The following MED26 variants were observed in gnomAD, a reference collection of about 807,000 sequenced individuals.
MED26 encodes the protein mediator complex subunit 26.
A neutral mutation model predicts 43.7 loss-of-function variants in MED26; 7 were observed. The observed-to-expected ratio is 0.16, with a 90% CI of 0.09 to 0.30. MED26 has a LOEUF of 0.30. Ranked by LOEUF, MED26 falls within the 10% of genes least tolerant of loss-of-function variation. MED26 has a pLI of 1.00. For synonymous variants in MED26, 375 were observed against 371.1 expected, an observed-to-expected ratio of 1.01 and a Z score of -0.12; for missense variants, 784 against 840.6, an observed-to-expected ratio of 0.93 and a Z score of 0.83.
At chr19:16,609,293 C>G (rs1000141752) in intron 1 of MED26, among the ~76,000 whole-genome samples, 1 of 113,276 alleles carries the variant, frequency 8.8e-6, no homozygotes, top group African/African-American at 3.6e-5. Context: ...GTCTGGGTGA[C>G]AGAGCGAGAC....
chr19:16,585,013 A>T (rs1054998411), intron 1 of MED26, among the ~76,000 whole-genome samples: 5 of 152,138 alleles, frequency 3.3e-5, no homozygotes, highest in Non-Finnish European at 5.9e-5. Flanking sequence ...AGGGCTGGGT[A>T]GGATGCCACC....
intron 1 of MED26, among the ~76,000 whole-genome samples, chr19:16,581,744 C>T (rs2086046740): frequency 6.6e-6 from 1 of 152,212 alleles, no homozygotes; most frequent in Non-Finnish European, 1.5e-5. Context: ...GGACACCAGG[C>T]GAAGGTGTGA....
chr19:16,627,925 A>ACGCCGGAGC lies in MED26; in HGVS notation c.10_18dup (p.Ala4_Ala6dup), dbSNP rs2086290189. On this transcript the variant is annotated inframe_insertion, in exon 1 of 3. Coordinates refer to ENST00000263390, the MANE Select transcript of MED26 (RefSeq NM_004831.5). ...AGCCGGTCCCTGATCTGCTGCGGAG[A>ACGCCGGAGC]CGCCGGAGCCGCTGTCATTGCCTGG... The ACGCCGGAGC allele has an allele frequency of 6.7e-7, 1 of 1,489,094 alleles. No individual in the cohort carries two copies. The highest frequency in any genetic ancestry group is 8.9e-7 in the Non-Finnish European group (1 of 1,118,278). The allele number at this position is 1,489,094 out of a possible 1,614,324, so 92.2% of individuals were successfully genotyped here.
In MED26 at chr19:16,576,197, G is replaced by A. The variant is rs143751642; in HGVS notation, c.1633C>T (p.Arg545Trp). 4.4e-5 allele frequency: 71 copies of A among 1,612,628 alleles called. No individual in the cohort carries two copies. The highest frequency in any genetic ancestry group is 5.6e-5 in the Non-Finnish European group (66 of 1,180,004). Residue 545 changes from arginine (R) to tryptophan (W), a missense_variant, in exon 3 of 3, where the codon CGG becomes TGG. Coordinates refer to ENST00000263390, the MANE Select transcript of MED26 (RefSeq NM_004831.5). This position sits in a 1 kb window ranked among gnomAD's most constrained non-coding sequence, Gnocchi z 6.8. The stretch of plus-strand genomic sequence containing the variant: ...TCGAGATCGTCCTGTGTGACCTCCC[G>A]GGTCAGACCAGGGAGGTCCGTGGGC... ...SPPTDLPGLT[R>W]EVTQDDLDRI... is the part of the protein sequence containing the mutation.
intron 1 of MED26, among the ~76,000 whole-genome samples, chr19:16,604,887 A>G (rs571971369): frequency 6.6e-6 from 1 of 152,180 alleles, no homozygotes; most frequent in Non-Finnish European, 1.5e-5. Flanking sequence ...GTCCGTCCCA[A>G]GCCTCTGTGA....
chr19:16,597,353 A>G (rs1427445642), intron 1 of MED26: 3 of 398,484 alleles, frequency 7.5e-6, no homozygotes, highest in African/African-American at 6.2e-5. Context: ...ACCAGATCCC[A>G]GTATGACACA....
chr19:16,577,110 T>C lies in MED26; in HGVS notation c.720A>G (p.Gly240=), dbSNP rs372755647. The change falls in exon 3 of 3, where the codon GGA becomes GGG. Residue 240 remains glycine (G), a synonymous_variant. Transcript: ENST00000263390. The surrounding 1 kb of genome is among the most constrained non-coding windows in gnomAD (Gnocchi z 8.1). ...CCGAAGCCTTTGGCTGCAAGCAGGG[T>C]CCAGGGGGCTTGCCCAGGCCCGGGG... ...TSSPGLGKPP[G]PCLQPKASVL... 2 of 1,612,912 alleles carry C rather than the reference T, an allele frequency of 1.2e-6. No homozygotes were observed. Among genetic ancestry groups the C allele is most frequent in the Non-Finnish European group, 1.7e-6 (2 of 1,179,744 alleles).
Position 16,586,546 on chromosome 19 carries a change from C to T in MED26, c.73-8137G>A, listed in dbSNP as rs905265932. Reference sequence around the variant, plus strand: ...CACACAGGGCCACCTCCACGGTCTCCGTGTTGTCTATGCCTTGTCCCCAGG... The same window carrying T: ...CACACAGGGCCACCTCCACGGTCTCTGTGTTGTCTATGCCTTGTCCCCAGG... On this transcript the variant is annotated intron_variant, in intron 1 of 2. Transcript: ENST00000263390. This position sits in a 1 kb window ranked among gnomAD's most constrained non-coding sequence, Gnocchi z 5.1. 6.6e-6 allele frequency among the ~76,000 whole-genome samples: 1 copy of T among 152,274 alleles called. No homozygotes were observed. The highest frequency in any genetic ancestry group is 6.5e-5 in the Admixed American group (1 of 15,292).
intron 1 of MED26, among the ~76,000 whole-genome samples, chr19:16,593,171 C>T (rs959381184): frequency 5.9e-5 from 9 of 152,224 alleles, no homozygotes; most frequent in South Asian, 4.1e-4. Flanking sequence ...AACCTGATGC[C>T]GAGGTGCCTA....
At chr19:16,581,450 T>G (rs1283907103) in intron 1 of MED26, among the ~76,000 whole-genome samples, 1 of 152,178 alleles carries the variant, frequency 6.6e-6, no homozygotes, top group African/African-American at 2.4e-5. Flanking sequence ...GCCACATGGC[T>G]TCACCTCCAC....
chr19:16,613,213 T>C (rs1314953187), intron 1 of MED26, among the ~76,000 whole-genome samples: 3 of 152,198 alleles, frequency 2.0e-5, no homozygotes, highest in African/African-American at 7.2e-5. Flanking sequence ...AACTCTTACA[T>C]ATTAAATACT....
intron 1 of MED26, among the ~76,000 whole-genome samples, chr19:16,580,214 C>T (rs367593401): frequency 2.0e-5 from 3 of 152,150 alleles, no homozygotes; most frequent in East Asian, 3.8e-4. Flanking sequence ...CAAGAGTTTC[C>T]GTAACACATG....
chr19:16,590,563 T>C (rs2086091119), intron 1 of MED26, among the ~76,000 whole-genome samples: 1 of 152,214 alleles, frequency 6.6e-6, no homozygotes, highest in African/African-American at 2.4e-5. Flanking sequence ...ATTTCTGGCC[T>C]TGTAATATGG....
intron 1 of MED26, chr19:16,588,131 C>T (rs1227806272): frequency 6.6e-6 from 1 of 152,262 alleles, no homozygotes; most frequent in African/African-American, 2.4e-5. Context: ...TCTCAAAGCT[C>T]ATCTGTAAAT....
intron 1 of MED26, among the ~76,000 whole-genome samples, chr19:16,582,074 G>A (rs2086048611): frequency 6.6e-6 from 1 of 152,260 alleles, no homozygotes; most frequent in Non-Finnish European, 1.5e-5. Context: ...GGTGAGACTG[G>A]AGCTGACTTC....
rs2085999357 is a variant in MED26 at position 16,576,313 on chromosome 19, C to G, written c.1517G>C (p.Gly506Ala). 1.2e-6 allele frequency: 2 copies of G among 1,613,258 alleles called. No homozygotes were observed. The highest frequency in any genetic ancestry group is 1.7e-5 in the Admixed American group (1 of 60,004). ...GTACTCAGACATGAAGTGGTGAGCC[C>G]CTGGGGTCTGCGCGCCCGATGATGA... ...LLSSSGAQTP[G>A]AHHFMSEYLK... Residue 506 changes from glycine to alanine, a missense_variant, in exon 3 of 3, where the codon GGG (glycine) becomes GCG (alanine). Gly to Ala is a moderately conservative substitution (Grantham distance 60, BLOSUM62 0). Transcript: ENST00000263390. The surrounding 1 kb of genome is among the most constrained non-coding windows in gnomAD (Gnocchi z 6.8).
chr19:16,625,019 G>C (rs1302185270), intron 1 of MED26, among the ~76,000 whole-genome samples: 1 of 152,186 alleles, frequency 6.6e-6, no homozygotes, highest in Non-Finnish European at 1.5e-5. Flanking sequence ...ACTGCTGTGC[G>C]AGAGTAAGAC....
Position 16,614,982 on chromosome 19 carries a change from G to C in MED26, c.72+12890C>G, listed in dbSNP as rs561864680. On this transcript the variant is annotated intron_variant, in intron 1 of 2. Transcript: ENST00000263390. ...CTTCTGTAATCTGAAGTCAGAAATG[G>C]ACCCACATCCATTTGTAAACTGGTC... 3.3e-5 allele frequency among the ~76,000 whole-genome samples: 5 copies of C among 152,154 alleles called. No homozygotes were observed. The East Asian group carries it at 9.6e-4, about 29-fold the overall frequency.
At chr19:16,624,145 A>G (rs973287608) in intron 1 of MED26, 2 of 152,052 alleles carry the variant, frequency 1.3e-5, no homozygotes, top group African/African-American at 4.8e-5. Context: ...AACAATTGAC[A>G]TTAGTCTCTG....
Sources: gnomAD v4.1 joint callset for allele counts (sites outside exome capture counted in the v4.1 genomes callset) on GRCh38, gnomAD v4.1.1 for gene constraint, Gnocchi (gnomAD v3.1) non-coding constraint, MANE v1.5 for transcripts, NCBI Gene and HGNC (gene_info 2026-07-23, HGNC 2026-07-21) for gene names.